KNDC1: variants seen among roughly 807,000 people sequenced by gnomAD.
The protein encoded by KNDC1 is kinase non-catalytic C-lobe domain containing 1.
In KNDC1, 106 loss-of-function variants were observed where a neutral mutation model predicts 172.8. The ratio of observed to expected loss-of-function variants is 0.61; its 90% CI spans 0.52 to 0.72. KNDC1 has a LOEUF of 0.72. KNDC1 is among the 30% of genes least tolerant of loss of function. The pLI is 0.00. For synonymous variants in KNDC1, 1,083 were observed against 1,062.2 expected (o/e 1.02, Z -0.38); for missense variants, 2,325 against 2,394.5 (o/e 0.97, Z 0.61).
chr10:133,211,916 C>A, intron 23 of KNDC1, 58 bp downstream of exon 23: 1 of 1,530,652 alleles, frequency 6.5e-7, no homozygotes, highest in Non-Finnish European at 8.7e-7. Flanking sequence ...GTCCCTGAGC[C>A]CAGCCTCAAA....
rs755123821 is a variant in KNDC1 at position 133,198,629 on chromosome 10, G to A, written c.2121G>A (p.Arg707=). 8.7e-6 allele frequency: 14 copies of A among 1,604,908 alleles called. 1 individual carries two copies. The South Asian group carries it at 1.4e-4, about 17-fold the overall frequency. The part of the protein sequence containing the change: ...QEESEERGGQ[R]EGEGEEKLSL... ...AGTCCGAGGAGAGGGGCGGCCAGAG[G>A]GAGGGAGAAGGTGAGGAGAAGCTCT... Residue 707 remains arginine, a synonymous_variant, in exon 14 of 30, where the codon AGG becomes AGA. Coordinates refer to ENST00000304613, the MANE Select transcript of KNDC1 (RefSeq NM_152643.8).
intron 17 of KNDC1, among the ~76,000 whole-genome samples, chr10:133,204,575 T>C (rs1854471337): frequency 6.6e-6 from 1 of 152,152 alleles, no homozygotes; most frequent in Admixed American, 6.5e-5. Context: ...GCTGAACCCG[T>C]GCGTGGGAGA....
Position 133,186,090 on chromosome 10 carries a change from T to C in KNDC1, c.742T>C (p.Ser248Pro), listed in dbSNP as rs1400294873. Residue 248 changes from serine to proline, a missense_variant, in exon 6 of 30, where the codon TCT (serine) becomes CCT (proline). Physicochemically the swap from Ser to Pro is moderately conservative, Grantham distance 74. Transcript: ENST00000304613. The stretch of plus-strand genomic sequence containing the variant: ...TCTGCCGACCCCCGAAGGCCCGGAG[T>C]CTGAGACGAGCCGGGGCCCCAGAGC... ...EVLPTPEGPE[S>P]ETSRGPRASP... 6.3e-7 allele frequency: 1 copy of C among 1,599,264 alleles called. No individual in the cohort carries two copies. Among genetic ancestry groups the C allele is most frequent in the Non-Finnish European group, 8.5e-7 (1 of 1,174,056 alleles).
chr10:133,199,830 G>A (rs1464384398), intron 15 of KNDC1, among the ~76,000 whole-genome samples: 2 of 152,206 alleles, frequency 1.3e-5, no homozygotes, highest in African/African-American at 4.8e-5. Context: ...TTCTTCTGGA[G>A]GACGAAAGGG....
chr10:133,196,370 G>C (rs1854191837), intron 10 of KNDC1, among the ~76,000 whole-genome samples: 1 of 152,086 alleles, frequency 6.6e-6, no homozygotes, highest in Non-Finnish European at 1.5e-5. Context: ...CAGCAGGTGG[G>C]GCAGGAGCCA....
At position 133,213,743 on chromosome 10, in the gene KNDC1, C is replaced by A; in HGVS notation, c.4526+16C>A. On this transcript the variant is annotated intron_variant, in intron 25 of 29. Transcript: ENST00000304613. The stretch of plus-strand genomic sequence containing the variant: ...CCATCCCCAAGTGAGCGTCCGGGAC[C>A]CTCAGCTGGGAGCGGTGGTGGAGGG... The A allele has an allele frequency of 6.2e-7, 1 of 1,611,892 alleles. No individual in the cohort carries two copies. The highest frequency in any genetic ancestry group is 1.7e-4 in the Middle Eastern group (1 of 6,056).
intron 9 of KNDC1, among the ~76,000 whole-genome samples, chr10:133,190,579 G>C (rs978840083): frequency 3.3e-5 from 5 of 152,252 alleles, no homozygotes; most frequent in Non-Finnish European, 5.9e-5. Flanking sequence ...AGGTAAAGAA[G>C]CCGGTGACCG....
intron 27 of KNDC1, 32 bp downstream of exon 27, chr10:133,218,985 G>C (rs1390079715): frequency 6.2e-7 from 1 of 1,613,664 alleles, no homozygotes; most frequent in East Asian, 2.2e-5. Flanking sequence ...AGGCGGGGGT[G>C]GGTACCCGCA....
At chr10:133,200,713 C>T (rs1446027433) in intron 16 of KNDC1, among the ~76,000 whole-genome samples, 1 of 152,198 alleles carries the variant, frequency 6.6e-6, no homozygotes, top group East Asian at 1.9e-4. Flanking sequence ...CCGTCCTCTT[C>T]TGGGGGCGAG....
intron 19 of KNDC1, 36 bp from the exon 20 acceptor site, chr10:133,207,101 G>C (rs542804648): frequency 6.4e-7 from 1 of 1,558,696 alleles, no homozygotes; most frequent in East Asian, 2.4e-5. Flanking sequence ...GGGGCGAGGG[G>C]CAGAGTGACC....
chr10:133,170,401 C>T (rs1220781957), intron 3 of KNDC1, among the ~76,000 whole-genome samples: 1 of 152,130 alleles, frequency 6.6e-6, no homozygotes, highest in Non-Finnish European at 1.5e-5. Context: ...TGGGGTCTGG[C>T]TCCTGCAGGA....
chr10:133,213,053 C>T (rs1248615502), intron 24 of KNDC1, 131 bp downstream of exon 24: 2 of 834,878 alleles, frequency 2.4e-6, no homozygotes, highest in Non-Finnish European at 3.7e-6. Context: ...CTGCCAGGTG[C>T]ACAGGTTGGG....
intron 9 of KNDC1, 26 bp from the exon 10 acceptor site, chr10:133,195,637 A>G: frequency 6.5e-7 from 1 of 1,530,818 alleles, no homozygotes; most frequent in East Asian, 2.4e-5. Context: ...CCTGCGGTAG[A>G]CACTATTCTC....
chr10:133,207,660 C>T (rs919951400), intron 20 of KNDC1, among the ~76,000 whole-genome samples: 3 of 152,234 alleles, frequency 2.0e-5, no homozygotes, highest in Non-Finnish European at 4.4e-5. Flanking sequence ...ATAACACGCA[C>T]AGGCAGCTCG....
chr10:133,208,768 C>A lies in KNDC1; in HGVS notation c.3794+1417C>A, dbSNP rs547022631. 1.7e-4 allele frequency among the ~76,000 whole-genome samples: 26 copies of A among 152,292 alleles called. No homozygotes were observed. The South Asian group carries it at 5.4e-3, about 32-fold the overall frequency. ...AGACGTCCGTGTGCGTGACTGGGCA[C>A]GTGTGCAGTGTGGTGCGTTCTTGGT... On this transcript the variant is annotated intron_variant, in intron 20 of 29. Coordinates refer to ENST00000304613, the MANE Select transcript of KNDC1 (RefSeq NM_152643.8).
At position 133,224,476 on chromosome 10, in the gene KNDC1, A is replaced by G. The variant is rs1845679660; in HGVS notation, c.5019-183A>G. Among the ~76,000 whole-genome samples, 1 of 152,156 alleles carries G rather than the reference A, an allele frequency of 6.6e-6. No homozygotes were observed. Reference sequence around the variant, plus strand: ...TGTGGATGGATGGACAGTCAGACAGACGGAAAGGTCTGAGTAGTGACCTTT... The same window carrying G: ...TGTGGATGGATGGACAGTCAGACAGGCGGAAAGGTCTGAGTAGTGACCTTT... On this transcript the variant is annotated intron_variant, in intron 29 of 29. Transcript: ENST00000304613. This position sits in a 1 kb window ranked among gnomAD's most constrained non-coding sequence, Gnocchi z 5.4.
At chr10:133,189,114 G>A (rs1854007425) in intron 7 of KNDC1, among the ~76,000 whole-genome samples, 1 of 152,196 alleles carries the variant, frequency 6.6e-6, no homozygotes, top group Non-Finnish European at 1.5e-5. Flanking sequence ...TCAAAGCCTA[G>A]CCCTGCCAGA....
rs527556199 is a variant in KNDC1 at position 133,200,011 on chromosome 10, G to T, written c.2904-364G>T. Among the ~76,000 whole-genome samples, 884 of 152,206 alleles carry T rather than the reference G, an allele frequency of 5.8e-3. 4 individuals are homozygous for T. The highest frequency in any genetic ancestry group is 7.6e-3 in the Non-Finnish European group (518 of 67,996). On this transcript the variant is annotated intron_variant, in intron 15 of 29. Coordinates refer to ENST00000304613, the MANE Select transcript of KNDC1 (RefSeq NM_152643.8). ...AGGGCCCAGCACTGAGCTGTGTTGG[G>T]TGGGGCGGCGGCCACCCCACATTGC...
chr10:133,180,745 A>T (rs1853692916), intron 3 of KNDC1, among the ~76,000 whole-genome samples: 1 of 152,264 alleles, frequency 6.6e-6, no homozygotes, highest in African/African-American at 2.4e-5. Context: ...GCGAGCCCTG[A>T]TGCGCAGGGG....
Sources: gnomAD v4.1 joint callset for allele counts (sites outside exome capture counted in the v4.1 genomes callset) on GRCh38, gnomAD v4.1.1 for gene constraint, Gnocchi (gnomAD v3.1) non-coding constraint, MANE v1.5 for transcripts, NCBI Gene and HGNC (gene_info 2026-07-23, HGNC 2026-07-21) for gene names.